The following GINS3 variants were observed in gnomAD, a reference collection of about 807,000 sequenced individuals.
GINS3 encodes GINS complex subunit 3, also known as DNA replication complex GINS protein PSF3.
In GINS3, 18 loss-of-function variants were observed where a neutral mutation model predicts 20.0. That is an observed-to-expected ratio of 0.90 (90% CI 0.62 to 1.33). The LOEUF (loss-of-function observed/expected upper bound fraction) is 1.33. Among genes scored for constraint, GINS3 ranks in the 40% most tolerant of loss-of-function variants. GINS3 has a pLI of 0.00. For missense variants in GINS3, 254 were observed against 273.6 expected (o/e 0.93, Z 0.51); for synonymous variants, 109 against 107.0 (o/e 1.02, Z -0.12).
At position 58,392,623 on chromosome 16, in the gene GINS3, G is replaced by C. The variant is rs149042036; in HGVS notation, c.22G>C (p.Val8Leu). 2 of 1,614,112 alleles carry C rather than the reference G, an allele frequency of 1.2e-6. No homozygotes were observed. Among genetic ancestry groups the C allele is most frequent in the Admixed American group, 3.3e-5 (2 of 60,010 alleles). The part of the protein sequence containing the change: MSEAYFR[V>L]ESGALGPEEN... ...CGCCATGTCAGAGGCTTATTTCCGA[G>C]TGGAGTCGGGTGCGCTGGGGCCTGA... is the stretch of plus-strand genomic sequence containing the variant. Residue 8 changes from valine to leucine, a missense_variant, in exon 1 of 3, where the codon GTG becomes CTG. Transcript: ENST00000318129.
chr16:58,396,428 CTGGG>C (rs1965860785), intron 1 of GINS3, among the ~76,000 whole-genome samples: 2 of 107,852 alleles, frequency 1.9e-5, no homozygotes, highest in Non-Finnish European at 3.8e-5. Flanking sequence ...GGGCGGCTGG[CTGGG>C]CAGAGGGGCT....
chr16:58,403,411 T>C (rs1965984387), intron 2 of GINS3, 80 bp downstream of exon 2: 1 of 1,055,868 alleles, frequency 9.5e-7, no homozygotes, highest in Non-Finnish European at 1.4e-6. Flanking sequence ...CCCAGGACAG[T>C]GTATGACTTG....
intron 1 of GINS3, among the ~76,000 whole-genome samples, chr16:58,398,176 C>T (rs546858803): frequency 9.2e-5 from 14 of 152,084 alleles, no homozygotes; most frequent in African/African-American, 2.9e-4. Flanking sequence ...AGATGGAAAC[C>T]TAGGTCATTA....
At chr16:58,401,536 T>C (rs1965954670) in intron 1 of GINS3, among the ~76,000 whole-genome samples, 1 of 152,200 alleles carries the variant, frequency 6.6e-6, no homozygotes, top group Non-Finnish European at 1.5e-5. Flanking sequence ...ATTGGTCCGT[T>C]TTACAGAGTG....
At chr16:58,397,084 C>T (rs1965885033) in intron 1 of GINS3, among the ~76,000 whole-genome samples, 1 of 151,928 alleles carries the variant, frequency 6.6e-6, no homozygotes, top group African/African-American at 2.4e-5. Flanking sequence ...CACCTCCCTC[C>T]TGGATGGGGT....
rs770292199 is a variant in GINS3, at chr16:58,392,764, G to A, written c.163G>A (p.Glu55Lys). The change falls in exon 1 of 3, where the codon GAG becomes AAG. Residue 55 changes from glutamate (E) to lysine (K), a missense_variant. Coordinates refer to ENST00000318129, the MANE Select transcript of GINS3 (RefSeq NM_022770.4). Reference protein sequence around the residue: ...AFFLERSAGAETDNAVPQGSK... With the variant: ...AFFLERSAGAKTDNAVPQGSK... ...CTTCCTGGAGCGGAGCGCAGGCGCC[G>A]AGACTGACAACGCGGTCCCACAGGT... is the stretch of plus-strand genomic sequence containing the variant. The A allele has an allele frequency of 3.7e-6, 6 of 1,610,954 alleles. No homozygotes were observed. Among genetic ancestry groups the A allele is most frequent in the South Asian group, 3.3e-5 (3 of 90,870 alleles).
intron 1 of GINS3, among the ~76,000 whole-genome samples, chr16:58,399,288 GAAAA>G (rs557138291): frequency 2.4e-5 from 3 of 122,636 alleles, no homozygotes; most frequent in African/African-American, 6.7e-5. Flanking sequence ...CCCCCTCTCT[GAAAA>G]AAAAAAAAAA....
chr16:58,399,885 A>G (rs985674381), intron 1 of GINS3, among the ~76,000 whole-genome samples: 1 of 152,214 alleles, frequency 6.6e-6, no homozygotes, highest in Admixed American at 6.5e-5. Flanking sequence ...GAATCTTAGA[A>G]CACTTAAACC....
At chr16:58,403,363 G>A (rs752029432) in intron 2 of GINS3, 32 bp downstream of exon 2, 9 of 1,551,670 alleles carry the variant, frequency 5.8e-6, no homozygotes, top group Non-Finnish European at 8.0e-6. Context: ...CTGTGGTGCT[G>A]CACTTGTCTC....
intron 1 of GINS3, among the ~76,000 whole-genome samples, chr16:58,400,726 C>G (rs930181678): frequency 1.3e-5 from 2 of 151,748 alleles, no homozygotes; most frequent in African/African-American, 4.8e-5. Context: ...ATTTTACACT[C>G]ACAGTTATGT....
At chr16:58,394,009 GGTT>G (rs772619238) in intron 1 of GINS3, among the ~76,000 whole-genome samples, 8 of 151,856 alleles carry the variant, frequency 5.3e-5, no homozygotes, top group Admixed American at 2.0e-4. Flanking sequence ...TACCTTGTTG[GGTT>G]GTTTTTTTTA....
rs557059032 is a variant in GINS3 at position 58,405,564 on chromosome 16, A to G, written c.*835A>G. On this transcript the variant is annotated 3_prime_UTR_variant, in exon 3 of 3. Coordinates refer to ENST00000318129, the MANE Select transcript of GINS3 (RefSeq NM_022770.4). The stretch of plus-strand genomic sequence containing the variant: ...CCAGCCTGCATTACATCTGGAAGTC[A>G]GGACTTGGGTGCTGACTATGAAGGG... 23 of 152,344 alleles carry G rather than the reference A, an allele frequency of 1.5e-4. No homozygotes were observed. Among genetic ancestry groups the G allele is most frequent in the Admixed American group, 3.9e-4 (6 of 15,302 alleles). The allele number at this position is 152,344 out of a possible 1,614,324, so 9.4% of individuals were successfully genotyped here. A position where few individuals can be genotyped will look rare whatever the true frequency, so the allele number is the denominator to read the frequency against.
At chr16:58,404,277 C>G in intron 2 of GINS3, 1 of 555,022 alleles carries the variant, frequency 1.8e-6, no homozygotes, top group Non-Finnish European at 3.2e-6. Context: ...GTTTTCTTAA[C>G]AACTTACTGG....
chr16:58,404,918 G>C lies in GINS3; in HGVS notation c.*189G>C, dbSNP rs1966009388. The C allele has an allele frequency of 1.7e-6, 1 of 590,286 alleles. No individual in the cohort carries two copies. Among genetic ancestry groups the C allele is most frequent in the South Asian group, 2.0e-5 (1 of 49,208 alleles). 36.6% of individuals were successfully genotyped at this position (590,286 alleles called of 1,614,324 possible). A position where few individuals can be genotyped will look rare whatever the true frequency, so the allele number is the denominator to read the frequency against. ...TGTCCCTGGCTCTGTGAGTCTTCCA[G>C]GACCGTCCCACCCTGCTGACCCACA... is the stretch of plus-strand genomic sequence containing the variant. On this transcript the variant is annotated 3_prime_UTR_variant, in exon 3 of 3. Coordinates refer to ENST00000318129, the MANE Select transcript of GINS3 (RefSeq NM_022770.4).
At chr16:58,402,179 G>T (rs1487166325) in intron 1 of GINS3, among the ~76,000 whole-genome samples, 1 of 152,066 alleles carries the variant, frequency 6.6e-6, no homozygotes, top group Admixed American at 6.6e-5. Flanking sequence ...TGTTAAATTT[G>T]ATTTAATCTA....
At position 58,398,579 on chromosome 16, in the gene GINS3, C is replaced by T. The variant is rs144871032; in HGVS notation, c.187-4519C>T. Among the ~76,000 whole-genome samples, 584 of 152,244 alleles carry T rather than the reference C, an allele frequency of 3.8e-3. 6 individuals are homozygous for T. Among genetic ancestry groups the T allele is most frequent in the Middle Eastern group, 0.017 (5 of 294 alleles). Reference sequence around the variant, plus strand: ...GAGCCGTGATCACACCACTGCACTCCAGCCTAGATGACACAGCAAGATACT... The same window carrying T: ...GAGCCGTGATCACACCACTGCACTCTAGCCTAGATGACACAGCAAGATACT... On this transcript the variant is annotated intron_variant, in intron 1 of 2. Coordinates refer to ENST00000318129, the MANE Select transcript of GINS3 (RefSeq NM_022770.4).
rs1222242401 is a variant in GINS3 at position 58,405,414 on chromosome 16, G to GT, written c.*687dup. The GT allele has an allele frequency of 6.6e-6, 1 of 152,274 alleles. No homozygotes were observed. The highest frequency in any genetic ancestry group is 2.4e-5 in the African/African-American group (1 of 41,454). The allele number at this position is 152,274 out of a possible 1,614,324, so 9.4% of individuals were successfully genotyped here. A position where few individuals can be genotyped will look rare whatever the true frequency, so the allele number is the denominator to read the frequency against. On this transcript the variant is annotated 3_prime_UTR_variant, in exon 3 of 3. Transcript: ENST00000318129. ...CAGCAGTCAACCCAGAAGGGAAATG[G>GT]TTAAACTGAGCTTGTTATTGCCTCG...
Position 58,396,793 on chromosome 16 carries a change from C to T in GINS3, c.186+4006C>T, listed in dbSNP as rs1469465841. Among the ~76,000 whole-genome samples the T allele has an allele frequency of 1.4e-4, 19 of 133,674 alleles. 1 individual carries two copies. The highest frequency in any genetic ancestry group is 4.4e-4 in the African/African-American group (15 of 33,906). The allele number at this position is 133,674 out of a possible 152,430, so 87.7% of individuals were successfully genotyped here. On this transcript the variant is annotated intron_variant, in intron 1 of 2. Transcript: ENST00000318129. ...CCCCCCACCTCCTTCCCGGACAGGG[C>T]GGCTGGCCGGGCAGAGGGGCTCCTC... is the stretch of plus-strand genomic sequence containing the variant.
chr16:58,403,106 G>T lies in GINS3; in HGVS notation c.195G>T (p.Lys65Asn). 6.2e-7 allele frequency: 1 copy of T among 1,614,084 alleles called. No homozygotes were observed. Among genetic ancestry groups the T allele is most frequent in the Non-Finnish European group, 8.5e-7 (1 of 1,179,954 alleles). Residue 65 changes from lysine to asparagine, a missense_variant, in exon 2 of 3, where the codon AAG (lysine) becomes AAT (asparagine). Physicochemically the swap from Lys to Asn is moderately conservative, Grantham distance 94. Transcript: ENST00000318129. Reference protein sequence around the residue: ...ETDNAVPQGSKLELPLWLAKG... With the variant: ...ETDNAVPQGSNLELPLWLAKG... ...ATTCATGCATGCTGCAGGGTTCCAA[G>T]CTTGAACTACCCTTGTGGCTGGCAA...
Sources: allele counts gnomAD v4.1 joint callset (sites outside exome capture counted in the v4.1 genomes callset), GRCh38; gene constraint gnomAD v4.1.1; transcripts MANE v1.5; gene names NCBI Gene and HGNC (gene_info 2026-07-23, HGNC 2026-07-21).